Variants in FAM120B observed in about 807,000 individuals in gnomAD.
FAM120B encodes the protein family with sequence similarity 120 member B, also known as constitutive coactivator of peroxisome proliferator-activated receptor gamma.
A neutral mutation model predicts 96.3 loss-of-function variants in FAM120B; 83 were observed. The observed-to-expected ratio is 0.86, with a 90% CI of 0.72 to 1.03. The LOEUF is 1.03. Among genes scored for constraint, FAM120B ranks in the 50% least tolerant of loss-of-function variants. The probability of loss-of-function intolerance (pLI) is 0.00; values close to 1 mark genes in which losing one functional copy is unlikely to be tolerated. For synonymous variants in FAM120B, 407 were observed against 402.7 expected, an observed-to-expected ratio of 1.01 and a Z score of -0.13; for missense variants, 1,027 against 1,121.2, an observed-to-expected ratio of 0.92 and a Z score of 1.20.
At chr6:170,346,716 GT>G (rs926406396) in intron 4 of FAM120B, among the ~76,000 whole-genome samples, 43 of 146,198 alleles carry the variant, frequency 2.9e-4, no homozygotes, top group East Asian at 9.9e-4. Context: ...TTTTACTTTG[GT>G]TTTTTTTTTT....
At chr6:170,402,163 C>T (rs942846046) in intron 9 of FAM120B, among the ~76,000 whole-genome samples, 11 of 152,348 alleles carry the variant, frequency 7.2e-5, no homozygotes, top group East Asian at 1.9e-4. Context: ...CCTGTTTGTG[C>T]GCCCTCTTAA....
At chr6:170,356,807 C>T (rs1294359227) in intron 5 of FAM120B, among the ~76,000 whole-genome samples, 2 of 152,168 alleles carry the variant, frequency 1.3e-5, no homozygotes, top group African/African-American at 4.8e-5. Context: ...ACAACAGCCA[C>T]AAATGATTTT....
intron 4 of FAM120B, among the ~76,000 whole-genome samples, chr6:170,346,191 T>A (rs960313081): frequency 6.6e-6 from 1 of 152,224 alleles, no homozygotes; most frequent in Non-Finnish European, 1.5e-5. Context: ...ATGAATCTTT[T>A]TTTTTTTGTA....
intron 1 of FAM120B, among the ~76,000 whole-genome samples, chr6:170,296,359 C>T (rs1346140650): frequency 2.0e-5 from 3 of 152,106 alleles, no homozygotes; most frequent in Non-Finnish European, 4.4e-5. Context: ...CGCCAGGCAG[C>T]ATTACGAGGG....
intron 1 of FAM120B, among the ~76,000 whole-genome samples, chr6:170,301,299 A>C (rs6914358): frequency 0.96 from 146,211 of 152,324 alleles, 70,172 homozygotes; most frequent in South Asian, 0.97. Context: ...GTACATTGGC[A>C]CATTTTAGCC....
At chr6:170,365,880 T>C (rs538546162) in intron 6 of FAM120B, among the ~76,000 whole-genome samples, 18 of 152,298 alleles carry the variant, frequency 1.2e-4, no homozygotes, top group African/African-American at 4.1e-4. Flanking sequence ...TGCAAGTGTT[T>C]ATCCGCCTGC....
intron 3 of FAM120B, among the ~76,000 whole-genome samples, chr6:170,325,386 C>T (rs1785525712): frequency 6.6e-6 from 1 of 152,148 alleles, no homozygotes; most frequent in African/African-American, 2.4e-5. Flanking sequence ...CTGAACGTAA[C>T]TCTTGGCATA....
chr6:170,325,988 A>G (rs1045789915), intron 3 of FAM120B, among the ~76,000 whole-genome samples: 4 of 152,174 alleles, frequency 2.6e-5, no homozygotes, highest in African/African-American at 9.7e-5. Flanking sequence ...CTAGCAATGT[A>G]AAAACCTTGT....
At chr6:170,371,072 C>T (rs1031216732) in intron 6 of FAM120B, among the ~76,000 whole-genome samples, 3 of 152,098 alleles carry the variant, frequency 2.0e-5, no homozygotes, top group African/African-American at 7.2e-5. Context: ...GTTGTTCAGC[C>T]ACAATCAATT....
chr6:170,317,845 CTT>C lies in FAM120B; in HGVS notation c.457_458del (p.Leu153ValfsTer9). Reference sequence around the variant, plus strand: ...GCTCTAAAGACACTGGGCCAGGAAACTTTGTGTTCTTTGCAGGAAGCAGATTA... The same window carrying C: ...GCTCTAAAGACACTGGGCCAGGAAACTGTGTTCTTTGCAGGAAGCAGATTA... On this transcript the variant is annotated frameshift_variant, in exon 2 of 11. Coordinates refer to ENST00000476287, the MANE Select transcript of FAM120B (RefSeq NM_032448.3). LOFTEE classifies it high-confidence loss of function. The C allele has an allele frequency of 3.7e-6, 6 of 1,614,230 alleles. No individual in the cohort carries two copies. The highest frequency in any genetic ancestry group is 5.1e-6 in the Non-Finnish European group (6 of 1,180,046).
intron 4 of FAM120B, among the ~76,000 whole-genome samples, chr6:170,332,897 G>T (rs1194092446): frequency 3.9e-5 from 6 of 151,950 alleles, no homozygotes; most frequent in Non-Finnish European, 8.8e-5. Context: ...CAATATAGTG[G>T]CCCATGTTCT....
At chr6:170,295,238 C>T, upstream of FAM120B, 2 of 583,742 alleles carry the variant, frequency 3.4e-6, no homozygotes, top group Non-Finnish European at 6.2e-6. This position sits in a 1 kb window ranked among gnomAD's most constrained non-coding sequence, Gnocchi z 7.8. Flanking sequence ...TGAACATAGA[C>T]CTTACCCCCC....
chr6:170,344,314 G>C (rs1421886221), intron 4 of FAM120B, among the ~76,000 whole-genome samples: 2 of 129,998 alleles, frequency 1.5e-5, no homozygotes, highest in Non-Finnish European at 3.2e-5. Flanking sequence ...GCCTCTCACT[G>C]GTTCCTGAGT....
intron 8 of FAM120B, 102 bp downstream of exon 8, chr6:170,391,223 T>C (rs1238529319): frequency 2.4e-6 from 2 of 817,612 alleles, no homozygotes; most frequent in East Asian, 5.3e-5. Flanking sequence ...CTGATATAAT[T>C]GGATGAACAG....
chr6:170,359,423 A>ATT (rs796373185), intron 6 of FAM120B, among the ~76,000 whole-genome samples: 1 of 146,640 alleles, frequency 6.8e-6, no homozygotes, highest in African/African-American at 2.5e-5. Flanking sequence ...CTCACAACTT[A>ATT]TTTTTTTTTT....
intron 6 of FAM120B, among the ~76,000 whole-genome samples, chr6:170,366,213 G>A (rs1299761744): frequency 1.3e-5 from 2 of 152,216 alleles, no homozygotes; most frequent in African/African-American, 4.8e-5. Context: ...TCTGCTGCCT[G>A]AAAGCTGAAA....
At position 170,318,000 on chromosome 6, in the gene FAM120B, G is replaced by A. The variant is rs755513140; in HGVS notation, c.610G>A (p.Val204Ile). The change falls in exon 2 of 11, where the codon GTC becomes ATC. Residue 204 changes from valine (V) to isoleucine (I), a missense_variant. Physicochemically the swap from Val to Ile is conservative, Grantham distance 29. Coordinates refer to ENST00000476287, the MANE Select transcript of FAM120B (RefSeq NM_032448.3). ...SELCLESLDT[V>I]MLCREKLCES... ...GCTCTGCCTAGAGAGCCTGGACACCGTCATGCTCTGCAGAGAGAAGCTCTG... is the reference window on the plus strand; with the variant it reads ...GCTCTGCCTAGAGAGCCTGGACACCATCATGCTCTGCAGAGAGAAGCTCTG... The A allele has an allele frequency of 2.2e-5, 35 of 1,613,650 alleles. No homozygotes were observed. The East Asian group carries it at 4.9e-4, about 23-fold the overall frequency.
At position 170,358,264 on chromosome 6, in the gene FAM120B, T is replaced by C. The variant is rs761328980; in HGVS notation, c.2229T>C (p.Ile743=). The C allele has an allele frequency of 1.9e-6, 3 of 1,606,858 alleles. No individual in the cohort carries two copies. Among genetic ancestry groups the C allele is most frequent in the Non-Finnish European group, 2.6e-6 (3 of 1,175,176 alleles). ...TLCLEDLHAF[I]AQALCLQGKS... ...GCCTGGAGGATTTGCATGCGTTTAT[T>C]GCGCAGGCCTTGTGCCTCCAAGGAA... Residue 743 remains isoleucine, a synonymous_variant, in exon 6 of 11, where the codon ATT becomes ATC. Coordinates refer to ENST00000476287, the MANE Select transcript of FAM120B (RefSeq NM_032448.3).
chr6:170,306,820 G>A lies in FAM120B; in HGVS notation c.-44G>A, dbSNP rs17860736. ...CCTAGGGTGCAGCGGGCGCGTCTGCGGCTGGTGTTGGCGCATCTCTAGGTA... is the reference window on the plus strand; with the variant it reads ...CCTAGGGTGCAGCGGGCGCGTCTGCAGCTGGTGTTGGCGCATCTCTAGGTA... On this transcript the variant is annotated 5_prime_UTR_variant, in exon 1 of 11. Transcript: ENST00000476287. 0.037 allele frequency: 5,646 copies of A among 152,698 alleles called. 143 individuals carry two copies. The highest frequency in any genetic ancestry group is 0.057 in the Non-Finnish European group (3,927 of 68,340). 9.5% of individuals were successfully genotyped at this position (152,698 alleles called of 1,614,324 possible). A position where few individuals can be genotyped will look rare whatever the true frequency, so the allele number is the denominator to read the frequency against.
Sources: allele counts gnomAD v4.1 joint callset (sites outside exome capture counted in the v4.1 genomes callset), GRCh38; gene constraint gnomAD v4.1.1; non-coding constraint Gnocchi (gnomAD v3.1); transcripts MANE v1.5; gene names NCBI Gene and HGNC (gene_info 2026-07-23, HGNC 2026-07-21).